The following IFNAR1 variants were observed in gnomAD, a reference collection of about 807,000 sequenced individuals.
IFNAR1 encodes the protein interferon alpha and beta receptor subunit 1.
A neutral mutation model predicts 62.1 loss-of-function variants in IFNAR1; 47 were observed. The observed-to-expected ratio is 0.76, with a 90% CI of 0.60 to 0.97. The LOEUF is 0.97. IFNAR1 is among the 50% of genes least tolerant of loss of function. The pLI is 0.00. For synonymous variants in IFNAR1, 219 were observed against 226.9 expected (o/e 0.97, Z 0.31); for missense variants, 638 against 654.5 (o/e 0.97, Z 0.27).
At chr21:33,335,050 G>A in intron 1 of IFNAR1, 1 of 1,223,612 alleles carries the variant, frequency 8.2e-7, no homozygotes, top group South Asian at 1.2e-5. Flanking sequence ...ACCACAAGGA[G>A]TACTGCAGGG....
At chr21:33,335,834 A>C (rs2253413) in intron 2 of IFNAR1, among the ~76,000 whole-genome samples, 187 bp downstream of exon 2, 57,593 of 151,516 alleles carry the variant, frequency 0.38, 11,122 homozygotes, top group Middle Eastern at 0.46. Context: ...TTGGGTGTTG[A>C]AGCAAAAAAT....
rs2083381313 is a variant in IFNAR1, at chr21:33,349,533, CAAATGCTGAGGTAA to C, written c.1137_1143+7del. 3 of 1,600,214 alleles carry C rather than the reference CAAATGCTGAGGTAA, an allele frequency of 1.9e-6. No homozygotes were observed. Among genetic ancestry groups the C allele is most frequent in the Non-Finnish European group, 2.6e-6 (3 of 1,170,940 alleles). On this transcript the variant is annotated splice_donor_variant and splice_donor_region_variant and coding_sequence_variant and intron_variant, in exon 8 of 11. Transcript: ENST00000270139. LOFTEE classifies it high-confidence loss of function. ...GAAATTATTTTTTGGGAAAACACTT[CAAATGCTGAGGTAA>C]AAAGACTGTATAGTATAATTTTGTA... is the stretch of plus-strand genomic sequence containing the variant.
chr21:33,338,262 G>T (rs1225498321), intron 2 of IFNAR1, among the ~76,000 whole-genome samples: 1 of 152,168 alleles, frequency 6.6e-6, no homozygotes, highest in African/African-American at 2.4e-5. Flanking sequence ...GCTGGGCATG[G>T]TGGCTCACAC....
intron 2 of IFNAR1, among the ~76,000 whole-genome samples, chr21:33,338,559 T>C (rs1239822784): frequency 7.1e-6 from 1 of 140,538 alleles, no homozygotes; most frequent in Non-Finnish European, 1.5e-5. Context: ...CAACAAATAT[T>C]GAATATATTT....
intron 10 of IFNAR1, among the ~76,000 whole-genome samples, 181 bp from the exon 11 acceptor site, chr21:33,355,135 C>T (rs1235283183): frequency 6.6e-6 from 1 of 152,120 alleles, no homozygotes; most frequent in Non-Finnish European, 1.5e-5. Flanking sequence ...AGTGACCTCA[C>T]TAATGATGCT....
At chr21:33,345,920 A>G (rs1433081071) in intron 6 of IFNAR1, among the ~76,000 whole-genome samples, 2 of 152,226 alleles carry the variant, frequency 1.3e-5, no homozygotes, top group East Asian at 1.9e-4. Flanking sequence ...CAGGCGCTGC[A>G]TAAATGAAAG....
intron 1 of IFNAR1, among the ~76,000 whole-genome samples, chr21:33,329,071 T>A (rs2083153567): frequency 6.6e-6 from 1 of 152,196 alleles, no homozygotes; most frequent in African/African-American, 2.4e-5. Context: ...GTCAGTTATT[T>A]GTTGGTCTTC....
At chr21:33,353,313 G>A (rs1250962546) in intron 9 of IFNAR1, among the ~76,000 whole-genome samples, 2 of 152,066 alleles carry the variant, frequency 1.3e-5, no homozygotes, top group African/African-American at 4.8e-5. Context: ...AGTGTTGACC[G>A]GTAGAGGCTT....
intron 1 of IFNAR1, among the ~76,000 whole-genome samples, chr21:33,330,497 C>G (rs1369097873): frequency 6.6e-6 from 1 of 152,128 alleles, no homozygotes. Context: ...CAAGCTGATC[C>G]TTGGCACAGG....
At chr21:33,351,487 G>T (rs963000264) in intron 8 of IFNAR1, among the ~76,000 whole-genome samples, 1 of 151,518 alleles carries the variant, frequency 6.6e-6, no homozygotes, top group South Asian at 2.1e-4. Flanking sequence ...CTACATAATC[G>T]TTTTGTGAGC....
intron 8 of IFNAR1, among the ~76,000 whole-genome samples, chr21:33,349,938 G>T (rs1490994363): frequency 1.3e-5 from 2 of 151,546 alleles, no homozygotes; most frequent in Non-Finnish European, 2.9e-5. Flanking sequence ...AAAAAAATGT[G>T]ATTAACTCAG....
chr21:33,341,162 C>T lies in IFNAR1; in HGVS notation c.364C>T (p.Pro122Ser). The T allele has an allele frequency of 6.2e-7, 1 of 1,608,020 alleles. No homozygotes were observed. Among genetic ancestry groups the T allele is most frequent in the Non-Finnish European group, 8.5e-7 (1 of 1,177,266 alleles). Residue 122 changes from proline (P) to serine (S), a missense_variant, in exon 3 of 11, where the codon CCA (proline) becomes TCA (serine). By Grantham distance (74) the Pro-to-Ser change is moderately conservative (BLOSUM62 -1). Coordinates refer to ENST00000270139, the MANE Select transcript of IFNAR1 (RefSeq NM_000629.3). ...SSWYEVDSFT[P>S]FRKAQIGPPE... ...ATGGTATGAGGTTGACTCATTTACA[C>T]CATTTCGCAAAGGTAAGAAAAAGTT... is the stretch of plus-strand genomic sequence containing the variant.
At position 33,325,101 on chromosome 21, in the gene IFNAR1, G is replaced by A. The variant is rs866787077; in HGVS notation, c.46G>A (p.Val16Met). The change falls in exon 1 of 11, where the codon GTG (valine) becomes ATG (methionine). Residue 16 changes from valine to methionine, a missense_variant. Physicochemically the swap from Val to Met is conservative, Grantham distance 21. Coordinates refer to ENST00000270139, the MANE Select transcript of IFNAR1 (RefSeq NM_000629.3). ...CGCGACGACCCTAGTGCTCGTCGCC[G>A]TGGCGCCATGGGTGTTGTCCGCAGC... ...LGATTLVLVAVAPWVLSAAAG... is the reference protein window; with the variant it reads ...LGATTLVLVAMAPWVLSAAAG... 5.6e-6 allele frequency: 9 copies of A among 1,611,318 alleles called. No homozygotes were observed. The highest frequency in any genetic ancestry group is 3.3e-5 in the Admixed American group (2 of 59,754).
At chr21:33,328,846 G>A (rs1441682666) in intron 1 of IFNAR1, among the ~76,000 whole-genome samples, 1 of 151,922 alleles carries the variant, frequency 6.6e-6, no homozygotes, top group Non-Finnish European at 1.5e-5. Context: ...TAGATTAAAT[G>A]TCCATTTATA....
chr21:33,343,491 G>T (rs754298339), intron 4 of IFNAR1, 44 bp from the exon 5 acceptor site: 2 of 1,555,332 alleles, frequency 1.3e-6, no homozygotes, highest in South Asian at 1.1e-5. Context: ...CCTAAAATTT[G>T]ACTTTATACT....
intron 2 of IFNAR1, among the ~76,000 whole-genome samples, chr21:33,339,869 A>G (rs1021977069): frequency 2.1e-5 from 3 of 145,368 alleles, no homozygotes; most frequent in Non-Finnish European, 3.0e-5. Context: ...TGGAGGTTGC[A>G]GTGGGCCGAG....
rs1371578526 is a variant in IFNAR1, at chr21:33,347,409, C to CG, written c.789-1681dup. ...CCTCCCAAAGTTCTGGGATTATAGGCGTGAGGCACCGCGCTCAGCCATTTT... is the reference window on the plus strand; with the variant it reads ...CCTCCCAAAGTTCTGGGATTATAGGCGGTGAGGCACCGCGCTCAGCCATTTT... On this transcript the variant is annotated intron_variant, in intron 6 of 10. Transcript: ENST00000270139. Among the ~76,000 whole-genome samples, 39 of 152,110 alleles carry CG rather than the reference C, an allele frequency of 2.6e-4. 1 individual carries two copies. Among genetic ancestry groups the CG allele is most frequent in the Admixed American group, 2.6e-3 (39 of 15,272 alleles).
chr21:33,346,067 C>G (rs1452700674), intron 6 of IFNAR1, among the ~76,000 whole-genome samples: 1 of 152,092 alleles, frequency 6.6e-6, no homozygotes, highest in Non-Finnish European at 1.5e-5. Context: ...GCACTGCAGC[C>G]TGGGCAACAT....
At chr21:33,346,092 C>A (rs2083342945) in intron 6 of IFNAR1, among the ~76,000 whole-genome samples, 1 of 152,138 alleles carries the variant, frequency 6.6e-6, no homozygotes. Flanking sequence ...AGACCCCCAT[C>A]TCTAAGCATT....
Sources: gnomAD v4.1 joint callset for allele counts (sites outside exome capture counted in the v4.1 genomes callset) on GRCh38, gnomAD v4.1.1 for gene constraint, MANE v1.5 for transcripts, NCBI Gene and HGNC (gene_info 2026-07-23, HGNC 2026-07-21) for gene names.